CACNA2D2: variants seen among roughly 807,000 people sequenced by gnomAD.
CACNA2D2 encodes voltage-dependent calcium channel subunit alpha-2/delta-2.
Under a neutral mutation model 166.4 loss-of-function variants are expected in CACNA2D2, and 48 were observed. The observed-to-expected ratio is 0.29, with a 90% CI of 0.23 to 0.37. CACNA2D2 has a LOEUF of 0.37. CACNA2D2 is among the 10% of genes least tolerant of loss of function. The probability of loss-of-function intolerance (pLI) is 1.00; values close to 1 mark genes in which losing one functional copy is unlikely to be tolerated. For missense variants in CACNA2D2, 1,122 were observed against 1,433.0 expected (o/e 0.78, Z 3.50); for synonymous variants, 561 against 573.7 (o/e 0.98, Z 0.32).
chr3:50,387,722 T>C, intron 4 of CACNA2D2, 110 bp from the exon 5 acceptor site: 2 of 845,852 alleles, frequency 2.4e-6, no homozygotes, highest in Non-Finnish European at 3.8e-6. Context: ...GGGCAGAGAC[T>C]GTCCCTTTCC....
intron 22 of CACNA2D2, among the ~76,000 whole-genome samples, chr3:50,372,896 G>T (rs1704734644): frequency 6.6e-6 from 1 of 151,868 alleles, no homozygotes; most frequent in Non-Finnish European, 1.5e-5. Context: ...GCTCTCATAG[G>T]GGCTTAGGAA....
intron 1 of CACNA2D2, among the ~76,000 whole-genome samples, chr3:50,481,932 C>A (rs1398545763): frequency 1.3e-5 from 2 of 152,200 alleles, no homozygotes; most frequent in African/African-American, 4.8e-5. Context: ...GAGGTCAAGG[C>A]TGCACTGAGC....
At chr3:50,425,821 C>T (rs1042940263) in intron 3 of CACNA2D2, among the ~76,000 whole-genome samples, 3 of 152,140 alleles carry the variant, frequency 2.0e-5, no homozygotes, top group East Asian at 3.9e-4. Flanking sequence ...CTCCATTCAA[C>T]GGACTCTCAT....
At chr3:50,434,693 G>A (rs1162674985) in intron 2 of CACNA2D2, among the ~76,000 whole-genome samples, 2 of 152,208 alleles carry the variant, frequency 1.3e-5, no homozygotes, top group African/African-American at 4.8e-5. Context: ...GGTTGTCACT[G>A]CCTTCTCTGG....
chr3:50,477,922 C>A (rs1697866224), intron 1 of CACNA2D2, among the ~76,000 whole-genome samples: 1 of 152,192 alleles, frequency 6.6e-6, no homozygotes, highest in African/African-American at 2.4e-5. Flanking sequence ...CTCCTCCACT[C>A]AGGCCTGTGA....
chr3:50,467,442 T>C (rs1709870232), intron 2 of CACNA2D2, among the ~76,000 whole-genome samples: 1 of 152,196 alleles, frequency 6.6e-6, no homozygotes, highest in Non-Finnish European at 1.5e-5. Flanking sequence ...GATCTGTCCC[T>C]TTTCAGTCCT....
intron 2 of CACNA2D2, among the ~76,000 whole-genome samples, chr3:50,437,652 C>G (rs1708411720): frequency 6.6e-6 from 1 of 152,182 alleles, no homozygotes; most frequent in Non-Finnish European, 1.5e-5. Flanking sequence ...TGGTCCCATC[C>G]TGGGAGAAAG....
Position 50,367,776 on chromosome 3 carries a change from C to G in CACNA2D2, c.2234+36G>C. 6.2e-7 allele frequency: 1 copy of G among 1,612,266 alleles called. No individual in the cohort carries two copies. Among genetic ancestry groups the G allele is most frequent in the Non-Finnish European group, 8.5e-7 (1 of 1,178,722 alleles). Reference sequence around the variant, plus strand: ...CAGGTCCAGGGCCTCTGGGCCCATCCTAGCCTTCTGCCCCCACAGGCTGGG... The same window carrying G: ...CAGGTCCAGGGCCTCTGGGCCCATCGTAGCCTTCTGCCCCCACAGGCTGGG... On this transcript the variant is annotated intron_variant, in intron 25 of 37. Coordinates refer to ENST00000424201, the MANE Select transcript of CACNA2D2 (RefSeq NM_006030.4). The surrounding 1 kb of genome is among the most constrained non-coding windows in gnomAD (Gnocchi z 6.5).
At chr3:50,434,950 A>G (rs979230100) in intron 2 of CACNA2D2, among the ~76,000 whole-genome samples, 5 of 152,224 alleles carry the variant, frequency 3.3e-5, no homozygotes, top group Admixed American at 1.3e-4. Context: ...GTGCTGCCCC[A>G]GGGCACTTGC....
At position 50,365,371 on chromosome 3, in the gene CACNA2D2, C is replaced by T; in HGVS notation, c.3083G>A (p.Cys1028Tyr). 6.2e-7 allele frequency: 1 copy of T among 1,613,456 alleles called. No homozygotes were observed. ...VNASYNAIID[C>Y]GNCSRLFHAQ... ...CTGCCAGCACCTGGAGCAGTTTCCG[C>T]AGTCGATGATGGCGTTGTAGGAGGC... Residue 1028 changes from cysteine (C) to tyrosine (Y), a missense_variant, in exon 35 of 38, where the codon TGC (cysteine) becomes TAC (tyrosine). Physicochemically the swap from Cys to Tyr is radical, Grantham distance 194. This residue lies in a region of CACNA2D2 where 282 missense variants were observed against 266.2 expected (regional missense o/e 1.06). Coordinates refer to ENST00000424201, the MANE Select transcript of CACNA2D2 (RefSeq NM_006030.4). The surrounding 1 kb of genome is among the most constrained non-coding windows in gnomAD (Gnocchi z 4.5).
At chr3:50,428,790 C>A (rs537069990) in intron 3 of CACNA2D2, among the ~76,000 whole-genome samples, 8 of 152,200 alleles carry the variant, frequency 5.3e-5, no homozygotes, top group Admixed American at 5.2e-4. Context: ...AAGCCCCTGT[C>A]AGAGGAAACC....
intron 2 of CACNA2D2, among the ~76,000 whole-genome samples, chr3:50,472,609 C>CTATATA (rs1215401972): frequency 6.6e-6 from 1 of 152,162 alleles, no homozygotes; most frequent in African/African-American, 2.4e-5. Context: ...TCATGTCTGA[C>CTATATA]TATAATCTCT....
Position 50,365,859 on chromosome 3 carries a change from T to C in CACNA2D2, c.2866A>G (p.Thr956Ala), listed in dbSNP as rs762542107. 1.2e-6 allele frequency: 2 copies of C among 1,613,012 alleles called. No homozygotes were observed. Among genetic ancestry groups the C allele is most frequent in the African/African-American group, 1.3e-5 (1 of 74,920 alleles). Residue 956 changes from threonine to alanine, a missense_variant, in exon 33 of 38, where the codon ACC becomes GCC. Transcript: ENST00000424201. The surrounding 1 kb of genome is among the most constrained non-coding windows in gnomAD (Gnocchi z 4.5). The part of the protein sequence containing the change: ...GAAPRGVFVP[T>A]VADFLNLAWW... ...GCCAGGTTAAGGAAATCTGCAACGGTGGGCTGCAGTGGAGAGAGGGGCGTG... is the reference window on the plus strand; with the variant it reads ...GCCAGGTTAAGGAAATCTGCAACGGCGGGCTGCAGTGGAGAGAGGGGCGTG...
intron 2 of CACNA2D2, among the ~76,000 whole-genome samples, chr3:50,447,389 G>C (rs888604548): frequency 6.6e-6 from 1 of 152,070 alleles, no homozygotes; most frequent in East Asian, 1.9e-4. Flanking sequence ...CCTCCAGCAG[G>C]AAGGAGGGAG....
intron 2 of CACNA2D2, among the ~76,000 whole-genome samples, chr3:50,473,180 C>G (rs1181069589): frequency 1.3e-5 from 2 of 152,216 alleles, no homozygotes; most frequent in Non-Finnish European, 2.9e-5. Flanking sequence ...AGGGAGTGCC[C>G]ACATGCCACA....
At chr3:50,440,310 G>A (rs570965372) in intron 2 of CACNA2D2, among the ~76,000 whole-genome samples, 3 of 152,372 alleles carry the variant, frequency 2.0e-5, no homozygotes, top group Admixed American at 1.3e-4. Flanking sequence ...GCACACTATC[G>A]GTGCCCAGGC....
intron 2 of CACNA2D2, among the ~76,000 whole-genome samples, chr3:50,443,285 C>T (rs929883441): frequency 6.6e-6 from 1 of 152,250 alleles, no homozygotes; most frequent in South Asian, 2.1e-4. Flanking sequence ...TGCTCTCTCC[C>T]GCTGCCTCCC....
At chr3:50,409,513 G>A (rs1706889508) in intron 3 of CACNA2D2, among the ~76,000 whole-genome samples, 1 of 152,274 alleles carries the variant, frequency 6.6e-6, no homozygotes, top group African/African-American at 2.4e-5. Context: ...CGCCTGTGCT[G>A]CACACGGAGC....
intron 2 of CACNA2D2, among the ~76,000 whole-genome samples, chr3:50,470,038 A>G (rs1286143574): frequency 1.3e-5 from 2 of 152,072 alleles, no homozygotes; most frequent in Non-Finnish European, 2.9e-5. Context: ...CTCTGTGCCC[A>G]TGGCCTCCAC....
Sources: allele counts gnomAD v4.1 joint callset (sites outside exome capture counted in the v4.1 genomes callset), GRCh38; gene constraint gnomAD v4.1.1; regional missense constraint gnomAD v4.1.1; non-coding constraint Gnocchi (gnomAD v3.1); transcripts MANE v1.5; gene names NCBI Gene and HGNC (gene_info 2026-07-23, HGNC 2026-07-21).